The following EMP2 variants were observed in gnomAD, a reference collection of about 807,000 sequenced individuals.
EMP2 encodes the protein epithelial membrane protein 2.
Under a neutral mutation model 13.7 loss-of-function variants are expected in EMP2, and 19 were observed. The observed-to-expected ratio is 1.38, with a 90% CI of 0.97 to 2.03. The LOEUF is 2.03. Ranked by LOEUF, EMP2 falls within the 30% of genes most tolerant of loss-of-function variation. EMP2 has a pLI of 0.00. For synonymous variants in EMP2, 97 were observed against 84.7 expected (o/e 1.15, Z -0.80); for missense variants, 253 against 220.7 (o/e 1.15, Z -0.93).
At chr16:10,540,527 C>T (rs60636765) in intron 3 of EMP2, among the ~76,000 whole-genome samples, 83,464 of 150,602 alleles carry the variant, frequency 0.55, 25,280 homozygotes, top group African/African-American at 0.81. Flanking sequence ...AATAAATAAA[C>T]AAATAAATAA....
intron 3 of EMP2, among the ~76,000 whole-genome samples, 183 bp downstream of exon 3, chr16:10,543,387 C>A (rs1035253768): frequency 5.9e-5 from 9 of 152,278 alleles, no homozygotes; most frequent in African/African-American, 2.2e-4. Flanking sequence ...CTTCTCCACA[C>A]CCCTGGCATC....
chr16:10,578,691 C>A (rs2051001448), intron 1 of EMP2, among the ~76,000 whole-genome samples: 1 of 152,234 alleles, frequency 6.6e-6, no homozygotes, highest in Admixed American at 6.5e-5. Flanking sequence ...TCAGGCGCAC[C>A]TCAATCTCTC....
intron 1 of EMP2, among the ~76,000 whole-genome samples, chr16:10,571,255 C>CA (rs58665715): frequency 0.035 from 1,152 of 33,364 alleles, 132 homozygotes; most frequent in Non-Finnish European, 0.046. Flanking sequence ...GACTCCGTCT[C>CA]AAAAAAAAAA....
chr16:10,540,723 CA>C (rs2050689049), intron 3 of EMP2, among the ~76,000 whole-genome samples: 1 of 151,990 alleles, frequency 6.6e-6, no homozygotes, highest in Non-Finnish European at 1.5e-5. Flanking sequence ...TTGGGCTTTC[CA>C]TCTAGTATTT....
At position 10,532,245 on chromosome 16, in the gene EMP2, C is replaced by T. The variant is rs1387199269; in HGVS notation, c.*660G>A. 1 of 154,584 alleles carries T rather than the reference C, an allele frequency of 6.5e-6. No homozygotes were observed. Among genetic ancestry groups the T allele is most frequent in the Non-Finnish European group, 1.5e-5 (1 of 68,248 alleles). 9.6% of individuals were successfully genotyped at this position (154,584 alleles called of 1,614,324 possible). A position where few individuals can be genotyped will look rare whatever the true frequency, so the allele number is the denominator to read the frequency against. Reference sequence around the variant, plus strand: ...GTTTTGCCTAAAGACGAGTCTAAATCTGGCACGCAGGTTAAGGATGACCAT... The same window carrying T: ...GTTTTGCCTAAAGACGAGTCTAAATTTGGCACGCAGGTTAAGGATGACCAT... On this transcript the variant is annotated 3_prime_UTR_variant, in exon 5 of 5. Transcript: ENST00000359543.
At chr16:10,562,359 TC>T (rs2050877655) in intron 1 of EMP2, among the ~76,000 whole-genome samples, 4 of 150,150 alleles carry the variant, frequency 2.7e-5, no homozygotes, top group African/African-American at 9.9e-5. Context: ...TCTCTCTCTC[TC>T]TCTCTCTCTC....
At chr16:10,536,446 G>T (rs1399685334) in intron 4 of EMP2, among the ~76,000 whole-genome samples, 1 of 152,122 alleles carries the variant, frequency 6.6e-6, no homozygotes, top group Middle Eastern at 3.2e-3. Flanking sequence ...TGTTCTTGTG[G>T]TAGTGAGTAA....
intron 4 of EMP2, among the ~76,000 whole-genome samples, chr16:10,535,560 A>G (rs2050640538): frequency 6.6e-6 from 1 of 152,122 alleles, no homozygotes; most frequent in Non-Finnish European, 1.5e-5. Flanking sequence ...CTCTACAAAA[A>G]TTAGCCAGGC....
chr16:10,555,384 C>T (rs990404254), intron 1 of EMP2, among the ~76,000 whole-genome samples: 6 of 152,158 alleles, frequency 3.9e-5, no homozygotes, highest in Admixed American at 6.6e-5. Context: ...CGCTTACCCA[C>T]CTGAAGGTAG....
At chr16:10,550,974 C>CA (rs59602519) in intron 1 of EMP2, among the ~76,000 whole-genome samples, 88,488 of 143,522 alleles carry the variant, frequency 0.62, 27,096 homozygotes, top group African/African-American at 0.75. Context: ...GATTCCATCT[C>CA]AAAAAAAAAA....
At position 10,529,330 on chromosome 16, in the gene EMP2, G is replaced by C. The variant is rs1335885480; in HGVS notation, c.*3575C>G. Reference sequence around the variant, plus strand: ...CAAGTGAGGGCTGATTCTATCTACAGGTAAGAAGCTTGGATGTTTTCTCCC... The same window carrying C: ...CAAGTGAGGGCTGATTCTATCTACACGTAAGAAGCTTGGATGTTTTCTCCC... On this transcript the variant is annotated 3_prime_UTR_variant, in exon 5 of 5. Coordinates refer to ENST00000359543, the MANE Select transcript of EMP2 (RefSeq NM_001424.6). 1 of 152,162 alleles carries C rather than the reference G, an allele frequency of 6.6e-6. No homozygotes were observed. The highest frequency in any genetic ancestry group is 1.9e-4 in the East Asian group (1 of 5,196). The allele number at this position is 152,162 out of a possible 1,614,324, so 9.4% of individuals were successfully genotyped here. A position where few individuals can be genotyped will look rare whatever the true frequency, so the allele number is the denominator to read the frequency against.
intron 1 of EMP2, among the ~76,000 whole-genome samples, chr16:10,552,801 A>C (rs2050798084): frequency 2.0e-5 from 3 of 152,230 alleles, no homozygotes; most frequent in Admixed American, 2.0e-4. Context: ...TGGTTGTCAA[A>C]TGCTGATGTC....
At chr16:10,536,066 A>C (rs2050644848) in intron 4 of EMP2, among the ~76,000 whole-genome samples, 1 of 151,954 alleles carries the variant, frequency 6.6e-6, no homozygotes, top group African/African-American at 2.4e-5. Flanking sequence ...GACCCTCCGG[A>C]GTCTTTTGCA....
At chr16:10,551,937 T>C (rs1313945932) in intron 1 of EMP2, among the ~76,000 whole-genome samples, 2 of 152,172 alleles carry the variant, frequency 1.3e-5, no homozygotes, top group Non-Finnish European at 2.9e-5. Flanking sequence ...AGGAGCTGTA[T>C]GGCTGCAGAA....
intron 1 of EMP2, among the ~76,000 whole-genome samples, chr16:10,563,628 C>T (rs2050887685): frequency 6.6e-6 from 1 of 152,154 alleles, no homozygotes; most frequent in South Asian, 2.1e-4. Flanking sequence ...CAGGACCCCA[C>T]CTGGTTAACG....
intron 4 of EMP2, among the ~76,000 whole-genome samples, chr16:10,536,035 G>A (rs1213099394): frequency 1.3e-5 from 2 of 150,926 alleles, no homozygotes; most frequent in Non-Finnish European, 2.9e-5. Flanking sequence ...TGGTGGACTT[G>A]GGGGGTTCTC....
chr16:10,562,336 T>TTCTCTCTCTCTCTCTCTCTCTCTC (rs540802206), intron 1 of EMP2, among the ~76,000 whole-genome samples: 17 of 124,200 alleles, frequency 1.4e-4, no homozygotes, highest in Non-Finnish European at 2.0e-4. Flanking sequence ...CTCATGCATG[T>TTCTCTCTCTCTCTCTCTCTCTCTC]TCTCTCTCTC....
chr16:10,578,576 G>A (rs1270642164), intron 1 of EMP2, among the ~76,000 whole-genome samples: 1 of 152,182 alleles, frequency 6.6e-6, no homozygotes, highest in Non-Finnish European at 1.5e-5. Context: ...GGCAGTGTCA[G>A]CCCCAAGCCT....
intron 1 of EMP2, among the ~76,000 whole-genome samples, chr16:10,568,239 A>G (rs919101535): frequency 5.3e-5 from 8 of 152,188 alleles, no homozygotes; most frequent in African/African-American, 1.7e-4. Context: ...ATTCCAATAA[A>G]CAGCAAGGTT....
Sources: allele counts gnomAD v4.1 joint callset (sites outside exome capture counted in the v4.1 genomes callset), GRCh38; gene constraint gnomAD v4.1.1; transcripts MANE v1.5; gene names NCBI Gene and HGNC (gene_info 2026-07-23, HGNC 2026-07-21).